LEPR: variants seen among roughly 807,000 people sequenced by gnomAD.
The protein encoded by LEPR is OB receptor.
Under a neutral mutation model 114.7 loss-of-function variants are expected in LEPR, and 56 were observed. The ratio of observed to expected loss-of-function variants is 0.49; its 90% CI spans 0.39 to 0.61. The LOEUF is 0.61. Among genes scored for constraint, LEPR ranks in the 20% least tolerant of loss-of-function variants. LEPR has a pLI of 0.00. For synonymous variants in LEPR, 443 were observed against 461.4 expected, an observed-to-expected ratio of 0.96 and a Z score of 0.51; for missense variants, 1,202 against 1,352.9, an observed-to-expected ratio of 0.89 and a Z score of 1.75.
At chr1:65,533,846 A>G (rs985767679) in intron 2 of LEPR, among the ~76,000 whole-genome samples, 1 of 152,100 alleles carries the variant, frequency 6.6e-6, no homozygotes, top group African/African-American at 2.4e-5. Context: ...ATTAAAGCCT[A>G]TTTTGTATGA....
At chr1:65,504,945 A>G (rs997882389) in intron 2 of LEPR, among the ~76,000 whole-genome samples, 1 of 152,184 alleles carries the variant, frequency 6.6e-6, no homozygotes, top group African/African-American at 2.4e-5. Flanking sequence ...TCCAAGTTTT[A>G]CCCCATTCCA....
rs947657681 is a variant in LEPR, at chr1:65,627,526, A to G, written c.2673+4545A>G. Among the ~76,000 whole-genome samples the G allele has an allele frequency of 5.3e-5, 8 of 152,108 alleles. No individual in the cohort carries two copies. The East Asian group carries it at 5.8e-4, about 11-fold the overall frequency. ...TACTGACAGTGGGAATGGAATAGCAACTCTTTCGGTAAATAGTCTGACAAT... is the reference window on the plus strand; with the variant it reads ...TACTGACAGTGGGAATGGAATAGCAGCTCTTTCGGTAAATAGTCTGACAAT... On this transcript the variant is annotated intron_variant, in intron 19 of 19. Transcript: ENST00000349533.
At chr1:65,426,674 C>T (rs989625445) in intron 2 of LEPR, among the ~76,000 whole-genome samples, 29 of 152,084 alleles carry the variant, frequency 1.9e-4, no homozygotes, top group African/African-American at 3.6e-4. Flanking sequence ...AGATGTCTCC[C>T]AGGTGATTGG....
chr1:65,548,792 C>G (rs1416387912), intron 2 of LEPR, among the ~76,000 whole-genome samples: 1 of 152,182 alleles, frequency 6.6e-6, no homozygotes, highest in Non-Finnish European at 1.5e-5. Context: ...TTAATTGGAG[C>G]ATTTAGTCCA....
intron 2 of LEPR, 147 bp downstream of exon 2, chr1:65,425,525 T>G (rs1646343970): frequency 1.3e-5 from 8 of 611,162 alleles, no homozygotes; most frequent in Non-Finnish European, 2.2e-5. Flanking sequence ...CCTTTGTGGG[T>G]CAGGTGTACT....
intron 2 of LEPR, among the ~76,000 whole-genome samples, chr1:65,495,282 A>C (rs1013093674): frequency 2.0e-5 from 3 of 152,212 alleles, no homozygotes; most frequent in Non-Finnish European, 4.4e-5. Context: ...CAGATGGCCA[A>C]CAGATGGAAG....
At chr1:65,569,126 G>A (rs577670673) in intron 3 of LEPR, among the ~76,000 whole-genome samples, 9 of 151,986 alleles carry the variant, frequency 5.9e-5, no homozygotes, top group Non-Finnish European at 8.8e-5. Flanking sequence ...GTATCTTTTC[G>A]TGACTTGATG....
intron 2 of LEPR, among the ~76,000 whole-genome samples, chr1:65,517,601 A>G (rs905317442): frequency 5.9e-5 from 9 of 152,146 alleles, no homozygotes; most frequent in African/African-American, 2.2e-4. Context: ...TCTCTAACTC[A>G]TCATTTACAC....
In LEPR at chr1:65,493,014, A is replaced by G. The variant is rs570564837; in HGVS notation, c.-21+67636A>G. On this transcript the variant is annotated intron_variant, in intron 2 of 19. Coordinates refer to ENST00000349533, the MANE Select transcript of LEPR (RefSeq NM_002303.6). ...AGCTCACTTTAACTTCCACTTTTCC[A>G]TGAAGCTTTTCCTGATCTTCCTCCT... Among the ~76,000 whole-genome samples, 8 of 152,036 alleles carry G rather than the reference A, an allele frequency of 5.3e-5. No individual in the cohort carries two copies. In the East Asian group the frequency reaches 1.2e-3, roughly 22 times the overall value.
chr1:65,574,263 C>A (rs1297537025), intron 5 of LEPR, among the ~76,000 whole-genome samples: 2 of 152,138 alleles, frequency 1.3e-5, no homozygotes, highest in Non-Finnish European at 2.9e-5. Context: ...TCAGTATCAC[C>A]TGGAACCTTG....
At chr1:65,531,335 A>G (rs1285862701) in intron 2 of LEPR, among the ~76,000 whole-genome samples, 2 of 152,038 alleles carry the variant, frequency 1.3e-5, no homozygotes, top group Non-Finnish European at 1.5e-5. Context: ...CTCCTTTTCA[A>G]TGAGGCCTAC....
chr1:65,480,605 G>A (rs527497956), intron 2 of LEPR, among the ~76,000 whole-genome samples: 12 of 152,214 alleles, frequency 7.9e-5, no homozygotes, highest in Admixed American at 2.0e-4. Flanking sequence ...ACTGGAAGTC[G>A]CTAAGGCAGA....
At chr1:65,433,895 T>G (rs1231741433) in intron 2 of LEPR, 1 of 985,242 alleles carries the variant, frequency 1.0e-6, no homozygotes, top group African/African-American at 1.7e-5. Flanking sequence ...AATGGGCAGT[T>G]TTGAGCAATA....
At chr1:65,452,774 C>T (rs1476403691) in intron 2 of LEPR, among the ~76,000 whole-genome samples, 1 of 152,050 alleles carries the variant, frequency 6.6e-6, no homozygotes, top group Non-Finnish European at 1.5e-5. Context: ...GCTTTGGTAT[C>T]AGGATGATGC....
rs117904061 is a variant in LEPR at position 65,640,405 on chromosome 1, C to A, written c.*3390C>A. On this transcript the variant is annotated 3_prime_UTR_variant, in exon 20 of 20. Coordinates refer to ENST00000349533, the MANE Select transcript of LEPR (RefSeq NM_002303.6). ...TCATCTTGATAGTTACCTTAACAAA[C>A]CTTTCTCAGCTATTTATTATTGAGA... 6.6e-6 allele frequency: 1 copy of A among 152,164 alleles called. No individual in the cohort carries two copies. The highest frequency in any genetic ancestry group is 2.4e-5 in the African/African-American group (1 of 41,428). 9.4% of individuals were successfully genotyped at this position (152,164 alleles called of 1,614,324 possible). A position where few individuals can be genotyped will look rare whatever the true frequency, so the allele number is the denominator to read the frequency against.
In LEPR at chr1:65,594,993, C is replaced by T. The variant is rs145366147; in HGVS notation, c.704-1455C>T. ...CTAAAATGTATGACAGATACCAACT[C>T]TATAAAGCAAAAAGTTGATTTGGGA... On this transcript the variant is annotated intron_variant, in intron 6 of 19. Transcript: ENST00000349533. 4.1e-3 allele frequency among the ~76,000 whole-genome samples: 628 copies of T among 152,054 alleles called. 3 individuals are homozygous for T. Among genetic ancestry groups the T allele is most frequent in the Non-Finnish European group, 6.5e-3 (443 of 67,956 alleles).
chr1:65,545,253 G>T (rs1221089248), intron 2 of LEPR, among the ~76,000 whole-genome samples: 5 of 149,058 alleles, frequency 3.4e-5, no homozygotes, highest in Middle Eastern at 3.3e-3. Context: ...TGTGAATAGT[G>T]CCGCAATAAA....
intron 2 of LEPR, among the ~76,000 whole-genome samples, chr1:65,440,802 G>A (rs375714319): frequency 7.9e-5 from 12 of 152,262 alleles, no homozygotes; most frequent in African/African-American, 2.9e-4. Flanking sequence ...ATGAGCAGGA[G>A]TGGCCTGATT....
chr1:65,601,019 A>C lies in LEPR; in HGVS notation c.995-373A>C, dbSNP rs1656406222. Among the ~76,000 whole-genome samples, 3 of 151,994 alleles carry C rather than the reference A, an allele frequency of 2.0e-5. No individual in the cohort carries two copies. The South Asian group carries it at 6.2e-4, about 32-fold the overall frequency. On this transcript the variant is annotated intron_variant, in intron 8 of 19. Transcript: ENST00000349533. Reference sequence around the variant, plus strand: ...TTAAGAACTTGTCCTAGTTTCACTGATTCCCAAAGCAGGGTCTGTTGGAAA... The same window carrying C: ...TTAAGAACTTGTCCTAGTTTCACTGCTTCCCAAAGCAGGGTCTGTTGGAAA...
Sources: gnomAD v4.1 joint callset for allele counts (sites outside exome capture counted in the v4.1 genomes callset) on GRCh38, gnomAD v4.1.1 for gene constraint, MANE v1.5 for transcripts, NCBI Gene and HGNC (gene_info 2026-07-23, HGNC 2026-07-21) for gene names.